The following EHHADH variants were observed in gnomAD, a reference collection of about 807,000 sequenced individuals.
EHHADH encodes the protein peroxisomal bifunctional enzyme.
In EHHADH, 48 loss-of-function variants were observed where a neutral mutation model predicts 64.4. That is an observed-to-expected ratio of 0.75 (90% CI 0.59 to 0.95). The LOEUF (loss-of-function observed/expected upper bound fraction) is 0.95. EHHADH is among the 40% of genes least tolerant of loss of function. The probability of loss-of-function intolerance (pLI) is 0.00; values close to 1 mark genes in which losing one functional copy is unlikely to be tolerated. For synonymous variants in EHHADH, 308 were observed against 326.7 expected (o/e 0.94, Z 0.62); for missense variants, 854 against 876.6 (o/e 0.97, Z 0.33).
At chr3:185,233,748 T>A (rs6444039) in intron 3 of EHHADH, among the ~76,000 whole-genome samples, 1 of 152,032 alleles carries the variant, frequency 6.6e-6, no homozygotes. Flanking sequence ...CAGGTTCAAG[T>A]GATTCTCCTG....
chr3:185,215,873 C>A (rs1298058152), intron 5 of EHHADH, among the ~76,000 whole-genome samples: 1 of 152,074 alleles, frequency 6.6e-6, no homozygotes, highest in Non-Finnish European at 1.5e-5. Flanking sequence ...ACTCTATACA[C>A]GATTATATAC....
chr3:185,218,458 T>C (rs1011451986), intron 4 of EHHADH, among the ~76,000 whole-genome samples: 4 of 152,008 alleles, frequency 2.6e-5, no homozygotes, highest in Admixed American at 1.3e-4. Flanking sequence ...TTTCCACTAT[T>C]TGTGTGACCA....
chr3:185,221,963 G>T (rs943474001), intron 4 of EHHADH, among the ~76,000 whole-genome samples: 2 of 152,212 alleles, frequency 1.3e-5, no homozygotes, highest in East Asian at 1.9e-4. Context: ...TATCAAACGG[G>T]TCTTAGGACC....
chr3:185,252,392 C>G (rs1171001872), intron 1 of EHHADH, among the ~76,000 whole-genome samples: 1 of 151,492 alleles, frequency 6.6e-6, no homozygotes, highest in Non-Finnish European at 1.5e-5. Flanking sequence ...GAGCAAGACT[C>G]CGTCTCAAAA....
chr3:185,202,433 T>C lies in EHHADH; in HGVS notation c.910+1983A>G, dbSNP rs557225453. Reference sequence around the variant, plus strand: ...ACAATGTATTTATATTAGAGACAGATTCTTTGATACCAAAGTTGAATTGAG... The same window carrying C: ...ACAATGTATTTATATTAGAGACAGACTCTTTGATACCAAAGTTGAATTGAG... On this transcript the variant is annotated intron_variant, in intron 6 of 6. Coordinates refer to ENST00000231887, the MANE Select transcript of EHHADH (RefSeq NM_001966.4). Among the ~76,000 whole-genome samples, 7 of 152,166 alleles carry C rather than the reference T, an allele frequency of 4.6e-5. No individual in the cohort carries two copies. In the East Asian group the frequency reaches 1.4e-3, roughly 29 times the overall value.
At chr3:185,233,060 G>A (rs1195594452) in intron 3 of EHHADH, among the ~76,000 whole-genome samples, 2 of 152,134 alleles carry the variant, frequency 1.3e-5, no homozygotes, top group Admixed American at 1.3e-4. Context: ...GTAACTTCAT[G>A]GGTAAATATA....
chr3:185,242,821 T>G (rs1577376132), intron 2 of EHHADH, among the ~76,000 whole-genome samples: 1 of 152,148 alleles, frequency 6.6e-6, no homozygotes, highest in Non-Finnish European at 1.5e-5. Flanking sequence ...CTTTAGTTCT[T>G]CCCCTGCCTG....
intron 2 of EHHADH, among the ~76,000 whole-genome samples, chr3:185,238,650 T>C (rs2108648495): frequency 6.6e-6 from 1 of 152,248 alleles, no homozygotes; most frequent in African/African-American, 2.4e-5. Flanking sequence ...AGTTAATTGG[T>C]TTTTCCTTGT....
rs550233979 is a variant in EHHADH, at chr3:185,213,119, C to CAAAAAAAAAAAAAA, written c.568+5003_568+5016dup. ...TGGGTGAAGAAGCAAGACTCTGTCT[C>CAAAAAAAAAAAAAA]AAAAAAAAAAAAAAAAAAAAAAAAA... is the stretch of plus-strand genomic sequence containing the variant. On this transcript the variant is annotated intron_variant, in intron 5 of 6. Coordinates refer to ENST00000231887, the MANE Select transcript of EHHADH (RefSeq NM_001966.4). Among the ~76,000 whole-genome samples the CAAAAAAAAAAAAAA allele has an allele frequency of 3.5e-4, 15 of 43,056 alleles. 2 individuals are homozygous for CAAAAAAAAAAAAAA. Among genetic ancestry groups the CAAAAAAAAAAAAAA allele is most frequent in the African/African-American group, 8.8e-4 (11 of 12,482 alleles). The allele number at this position is 43,056 out of a possible 152,430, so 28.2% of individuals were successfully genotyped here.
At chr3:185,197,768 T>C (rs1419060438) in intron 6 of EHHADH, among the ~76,000 whole-genome samples, 4 of 152,162 alleles carry the variant, frequency 2.6e-5, no homozygotes, top group Non-Finnish European at 5.9e-5. Flanking sequence ...AGTGTAAAAA[T>C]ATCTATTTGA....
In EHHADH at chr3:185,235,357, T is replaced by C; in HGVS notation, c.284A>G (p.Gln95Arg). The change falls in exon 3 of 7, where the codon CAA (glutamine) becomes CGA (arginine). Residue 95 changes from glutamine (Q) to arginine (R), a missense_variant. By Grantham distance (43) the Gln-to-Arg change is conservative. Transcript: ENST00000231887. Reference sequence around the variant, plus strand: ...TAGTCCCCCTCCGAAAGCCATGCCTTGGATTGCTGCCACCACGGGCTTCTC... The same window carrying C: ...TAGTCCCCCTCCGAAAGCCATGCCTCGGATTGCTGCCACCACGGGCTTCTC... Reference protein sequence around the residue: ...RNEKPVVAAIQGMAFGGGLEL... With the variant: ...RNEKPVVAAIRGMAFGGGLEL... The C allele has an allele frequency of 6.2e-7, 1 of 1,614,020 alleles. No individual in the cohort carries two copies. Among genetic ancestry groups the C allele is most frequent in the Non-Finnish European group, 8.5e-7 (1 of 1,179,966 alleles).
chr3:185,246,003 C>T, intron 2 of EHHADH: 1 of 1,436,610 alleles, frequency 7.0e-7, no homozygotes, highest in East Asian at 2.3e-5. Context: ...TTGCTATCTT[C>T]ATCTTCTAGA....
At chr3:185,222,173 A>G (rs1718853989) in intron 4 of EHHADH, among the ~76,000 whole-genome samples, 1 of 151,996 alleles carries the variant, frequency 6.6e-6, no homozygotes, top group African/African-American at 2.4e-5. Flanking sequence ...TGAGGTCAGG[A>G]GTTTGAGACC....
chr3:185,232,679 C>G (rs968783175), intron 3 of EHHADH, among the ~76,000 whole-genome samples: 1 of 152,172 alleles, frequency 6.6e-6, no homozygotes, highest in South Asian at 2.1e-4. Flanking sequence ...AACTCCTGAC[C>G]TCAGGTGATC....
At position 185,220,972 on chromosome 3, in the gene EHHADH, G is replaced by T. The variant is rs530104260; in HGVS notation, c.464-2732C>A. ...TGTTAGCTTTCTTCTAATTCACTAT[G>T]ACCTTTTCTATGCAAATCAAAACCC... On this transcript the variant is annotated intron_variant, in intron 4 of 6. Transcript: ENST00000231887. Among the ~76,000 whole-genome samples, 9 of 152,230 alleles carry T rather than the reference G, an allele frequency of 5.9e-5. 1 individual carries two copies. The South Asian group carries it at 1.9e-3, about 32-fold the overall frequency.
rs760406357 is a variant in EHHADH at position 185,193,122 on chromosome 3, G to A, written c.1276C>T (p.His426Tyr). 1.9e-6 allele frequency: 3 copies of A among 1,613,544 alleles called. No homozygotes were observed. Among genetic ancestry groups the A allele is most frequent in the South Asian group, 1.1e-5 (1 of 90,908 alleles). ...DEIASSTDRPHLVIGTHFFSP... is the reference protein window; with the variant it reads ...DEIASSTDRPYLVIGTHFFSP... ...AAGAAGTGGGTGCCAATGACCAAGT[G>A]AGGACGATCAGTGGAAGAAGCAATC... Residue 426 changes from histidine to tyrosine, a missense_variant, in exon 7 of 7, where the codon CAC (histidine) becomes TAC (tyrosine). Physicochemically the swap from His to Tyr is moderately conservative, Grantham distance 83. Coordinates refer to ENST00000231887, the MANE Select transcript of EHHADH (RefSeq NM_001966.4).
chr3:185,210,549 G>T (rs772970777), intron 5 of EHHADH, among the ~76,000 whole-genome samples: 9 of 151,146 alleles, frequency 6.0e-5, no homozygotes, highest in Non-Finnish European at 8.8e-5. Context: ...AAGGAGAATC[G>T]CTTTGAATCT....
chr3:185,236,486 A>G (rs1719300855), intron 2 of EHHADH, among the ~76,000 whole-genome samples: 1 of 141,502 alleles, frequency 7.1e-6, no homozygotes, highest in Non-Finnish European at 1.6e-5. Flanking sequence ...GCATACCATA[A>G]AATCATTTTT....
intron 4 of EHHADH, among the ~76,000 whole-genome samples, chr3:185,221,962 G>A (rs1200310734): frequency 6.6e-6 from 1 of 152,022 alleles, no homozygotes; most frequent in African/African-American, 2.4e-5. Flanking sequence ...TTATCAAACG[G>A]GTCTTAGGAC....
Sources: gnomAD v4.1 joint callset for allele counts (sites outside exome capture counted in the v4.1 genomes callset) on GRCh38, gnomAD v4.1.1 for gene constraint, MANE v1.5 for transcripts, NCBI Gene and HGNC (gene_info 2026-07-23, HGNC 2026-07-21) for gene names.